SYNE2: variants seen among roughly 807,000 people sequenced by gnomAD.
SYNE2 encodes nesprin-2.
A neutral mutation model predicts 856.3 loss-of-function variants in SYNE2; 431 were observed. The ratio of observed to expected loss-of-function variants is 0.50; its 90% CI spans 0.47 to 0.55. The LOEUF (loss-of-function observed/expected upper bound fraction) is 0.55. Ranked by LOEUF, SYNE2 falls within the 20% of genes least tolerant of loss-of-function variation. The pLI is 0.00. For synonymous variants in SYNE2, 2,923 were observed against 2,872.3 expected, an observed-to-expected ratio of 1.02 and a Z score of -0.56; for missense variants, 8,129 against 8,023.2, an observed-to-expected ratio of 1.01 and a Z score of -0.50.
intron 22 of SYNE2, among the ~76,000 whole-genome samples, chr14:63,994,648 A>G (rs954636335): frequency 2.0e-5 from 3 of 152,214 alleles, no homozygotes; most frequent in African/African-American, 7.2e-5. Context: ...AGTATTAACT[A>G]AAGTTTGCAC....
chr14:63,794,025 T>C (rs1430700451), intron 1 of SYNE2, among the ~76,000 whole-genome samples: 1 of 152,068 alleles, frequency 6.6e-6, no homozygotes, highest in East Asian at 1.9e-4. Flanking sequence ...GTACCAGGGT[T>C]GTTTGTGGAA....
intron 34 of SYNE2, among the ~76,000 whole-genome samples, chr14:64,018,268 C>T (rs1315343479): frequency 2.6e-5 from 4 of 152,096 alleles, no homozygotes; most frequent in African/African-American, 9.7e-5. Context: ...GAGGCAGAGT[C>T]TCGTTCTGTC....
intron 12 of SYNE2, 93 bp downstream of exon 12, chr14:63,976,820 A>G: frequency 7.3e-7 from 1 of 1,373,804 alleles, no homozygotes; most frequent in Non-Finnish European, 1.0e-6. Context: ...AGAGAAGGAT[A>G]ATAGTGGATA....
intron 1 of SYNE2, among the ~76,000 whole-genome samples, chr14:63,858,879 G>A (rs1366856081): frequency 1.3e-5 from 2 of 152,084 alleles, no homozygotes; most frequent in African/African-American, 2.4e-5. Flanking sequence ...TGTACTTTTG[G>A]TATTATTATC....
intron 1 of SYNE2, among the ~76,000 whole-genome samples, chr14:63,887,230 G>A (rs1007949916): frequency 2.6e-5 from 4 of 151,782 alleles, no homozygotes; most frequent in Admixed American, 6.6e-5. Flanking sequence ...GCAGTGAGCC[G>A]AGATCGCACC....
At chr14:63,917,860 T>C (rs1475153480) in intron 2 of SYNE2, among the ~76,000 whole-genome samples, 4 of 147,954 alleles carry the variant, frequency 2.7e-5, no homozygotes, top group Non-Finnish European at 6.0e-5. Flanking sequence ...TTTTTCAAAT[T>C]TTTTTTTTTT....
chr14:64,141,194 A>G (rs542065580), intron 80 of SYNE2, 147 bp from the exon 81 acceptor site: 5 of 658,684 alleles, frequency 7.6e-6, no homozygotes, highest in Non-Finnish European at 1.3e-5. Context: ...GTAATGCCCA[A>G]CAGTAGGAAA....
At chr14:64,016,406 G>T in intron 32 of SYNE2, 67 bp from the exon 33 acceptor site, 1 of 1,068,674 alleles carries the variant, frequency 9.4e-7, no homozygotes, top group East Asian at 2.6e-5. Context: ...TCCAACAATA[G>T]AATTGTGATT....
intron 109 of SYNE2, 83 bp from the exon 110 acceptor site, chr14:64,219,125 A>ATTTT: frequency 1.6e-6 from 1 of 643,518 alleles, no homozygotes; most frequent in East Asian, 5.7e-5. Context: ...TTTTTTTTTT[A>ATTTT]ACCACCCTGA....
chr14:64,122,396 AG>A lies in SYNE2; in HGVS notation c.13392del (p.Lys4464AsnfsTer22). The stretch of plus-strand genomic sequence containing the variant: ...CATCATGAACTCTCATCAAAAATAA[AG>A]CTCCCACTCCCTCAGCTTGTGGAGC... ...YLHHELSSKI[K>X]LPLPQLVEPQ... On this transcript the variant is annotated frameshift_variant, in exon 70 of 116. Coordinates refer to ENST00000555002, the MANE Select transcript of SYNE2 (RefSeq NM_182914.3). LOFTEE classifies it high-confidence loss of function. 1.2e-6 allele frequency: 2 copies of A among 1,614,194 alleles called. No homozygotes were observed. Among genetic ancestry groups the A allele is most frequent in the Non-Finnish European group, 1.7e-6 (2 of 1,180,046 alleles).
At chr14:64,056,673 C>CTT (rs34164335) in intron 49 of SYNE2, among the ~76,000 whole-genome samples, 1 of 145,140 alleles carries the variant, frequency 6.9e-6, no homozygotes, top group African/African-American at 2.5e-5. Context: ...TTTTGTTGTA[C>CTT]TTTTTTTTTT....
At chr14:64,118,543 T>C (rs2097870082) in intron 66 of SYNE2, among the ~76,000 whole-genome samples, 1 of 152,210 alleles carries the variant, frequency 6.6e-6, no homozygotes, top group Admixed American at 6.5e-5. Flanking sequence ...AAATTCCTAC[T>C]CCACACTTGG....
rs2097016634 is a variant in SYNE2, at chr14:64,029,758, T to C, written c.6715-137T>C. The C allele has an allele frequency of 4.6e-6, 5 of 1,077,356 alleles. No individual in the cohort carries two copies. The East Asian group carries it at 1.0e-4, about 22-fold the overall frequency. 66.7% of individuals were successfully genotyped at this position (1,077,356 alleles called of 1,614,324 possible). On this transcript the variant is annotated intron_variant, in intron 43 of 115. Coordinates refer to ENST00000555002, the MANE Select transcript of SYNE2 (RefSeq NM_182914.3). ...GAAATATCTCCAACTCTAAAATCTTTAGAACTCTAATTTATAGCCGTATTC... is the reference window on the plus strand; with the variant it reads ...GAAATATCTCCAACTCTAAAATCTTCAGAACTCTAATTTATAGCCGTATTC...
intron 79 of SYNE2, among the ~76,000 whole-genome samples, chr14:64,139,056 T>C (rs2098120547): frequency 6.6e-6 from 1 of 151,794 alleles, no homozygotes; most frequent in South Asian, 2.1e-4. Context: ...TGATCGTGGC[T>C]CACTGCAGCC....
At chr14:63,854,143 C>T (rs1891141996) in intron 1 of SYNE2, among the ~76,000 whole-genome samples, 1 of 151,308 alleles carries the variant, frequency 6.6e-6, no homozygotes, top group Non-Finnish European at 1.5e-5. Flanking sequence ...TTCTTTCAAG[C>T]CGCTCCACAC....
intron 96 of SYNE2, among the ~76,000 whole-genome samples, chr14:64,184,961 T>C (rs933526243): frequency 6.6e-6 from 1 of 152,240 alleles, no homozygotes; most frequent in Non-Finnish European, 1.5e-5. Flanking sequence ...TCCCTGATTT[T>C]AGGCATAGTA....
At chr14:64,149,440 G>GAAAAGTTAAGAAA (rs76433035) in intron 84 of SYNE2, among the ~76,000 whole-genome samples, 3,398 of 152,298 alleles carry the variant, frequency 0.022, 45 homozygotes, top group African/African-American at 0.037. Context: ...TTAAGGACTG[G>GAAAAGTTAAGAAA]AGTTGATGAA....
Position 64,212,007 on chromosome 14 carries a change from T to G in SYNE2, c.18770T>G (p.Ile6257Ser). Residue 6257 changes from isoleucine (I) to serine (S), a missense_variant, in exon 104 of 116, where the codon ATT becomes AGT. Physicochemically the swap from Ile to Ser is moderately radical, Grantham distance 142. Coordinates refer to ENST00000555002, the MANE Select transcript of SYNE2 (RefSeq NM_182914.3). ...GAATTTGAGGGCACCAGGGAGAGCA[T>G]TCTGGTGTGGCTCACAGAGATGGAC... ...REEFEGTRES[I>S]LVWLTEMDLQ... 1 of 1,614,198 alleles carries G rather than the reference T, an allele frequency of 6.2e-7. No individual in the cohort carries two copies. The highest frequency in any genetic ancestry group is 1.1e-5 in the South Asian group (1 of 91,080).
intron 99 of SYNE2, among the ~76,000 whole-genome samples, chr14:64,198,988 C>T (rs1267008057): frequency 6.6e-6 from 1 of 152,166 alleles, no homozygotes; most frequent in Admixed American, 6.5e-5. Context: ...TATCTTCCAG[C>T]TATCTCTGAA....
Sources: gnomAD v4.1 joint callset for allele counts (sites outside exome capture counted in the v4.1 genomes callset) on GRCh38, gnomAD v4.1.1 for gene constraint, MANE v1.5 for transcripts, NCBI Gene and HGNC (gene_info 2026-07-23, HGNC 2026-07-21) for gene names.